The following EPCIP variants were observed in gnomAD, a reference collection of about 807,000 sequenced individuals.
EPCIP encodes exosomal polycystin-1-interacting protein.
the EPCIP span, chr21:32,807,758 G>A: frequency 5.9e-5 from 9 of 152,262 alleles, no homozygotes; most frequent in African/African-American, 2.2e-4. Context: ...CTGTGTATGG[G>A]TGACAGGGTG....
At chr21:32,810,801 C>G in the EPCIP span, 2 of 394,952 alleles carry the variant, frequency 5.1e-6, no homozygotes, top group Non-Finnish European at 5.1e-6. Flanking sequence ...ATGCCAAATA[C>G]ACAGCTCCTG....
chr21:32,793,885 T>C, the EPCIP span: 10 of 1,614,218 alleles, frequency 6.2e-6, no homozygotes, highest in Admixed American at 1.7e-4. Flanking sequence ...ATTTTAAGGC[T>C]GAGTCCCTGT....
the EPCIP span, among the ~76,000 whole-genome samples, chr21:32,803,198 C>G: frequency 6.6e-6 from 1 of 152,224 alleles, no homozygotes; most frequent in African/African-American, 2.4e-5. Flanking sequence ...GTGCTGAAAA[C>G]CCGCTCACAG....
chr21:32,795,509 C>A, the EPCIP span, among the ~76,000 whole-genome samples: 1 of 152,160 alleles, frequency 6.6e-6, no homozygotes, highest in Non-Finnish European at 1.5e-5. Flanking sequence ...AGAAACCAAA[C>A]AATACAATTC....
the EPCIP span, among the ~76,000 whole-genome samples, chr21:32,809,323 T>TCTTTC: frequency 6.8e-6 from 1 of 146,520 alleles, no homozygotes; most frequent in African/African-American, 2.6e-5. Flanking sequence ...TTTCTTTCTT[T>TCTTTC]CTTTCTTTCT....
At chr21:32,809,173 C>T in the EPCIP span, among the ~76,000 whole-genome samples, 7 of 100,454 alleles carry the variant, frequency 7.0e-5, no homozygotes, top group African/African-American at 2.4e-4. Flanking sequence ...GGACAAGCCT[C>T]GAGGGGTGCG....
At chr21:32,807,863 T>C in the EPCIP span, 1 of 152,306 alleles carries the variant, frequency 6.6e-6, no homozygotes, top group African/African-American at 2.4e-5. Context: ...ACCTCCAACC[T>C]CCTGTGACTT....
At chr21:32,795,667 G>A in the EPCIP span, among the ~76,000 whole-genome samples, 1 of 152,224 alleles carries the variant, frequency 6.6e-6, no homozygotes, top group Non-Finnish European at 1.5e-5. Flanking sequence ...AGCTCAACAT[G>A]TGTCCAAAGA....
the EPCIP span, among the ~76,000 whole-genome samples, chr21:32,806,219 A>G: frequency 1.3e-5 from 2 of 152,248 alleles, no homozygotes; most frequent in South Asian, 2.1e-4. Flanking sequence ...CATTTTCTCC[A>G]CTTCTGTACT....
the EPCIP span, among the ~76,000 whole-genome samples, chr21:32,799,615 G>A: frequency 6.6e-5 from 10 of 152,076 alleles, no homozygotes; most frequent in Non-Finnish European, 1.3e-4. Context: ...TTCTTCTCTT[G>A]AGTCTTTCCC....
At chr21:32,791,382 C>A in the EPCIP span, 2 of 152,142 alleles carry the variant, frequency 1.3e-5, no homozygotes, top group Non-Finnish European at 2.9e-5. Context: ...TTTCTATCAT[C>A]ATTTAATTTT....
chr21:32,800,587 G>A, the EPCIP span, among the ~76,000 whole-genome samples: 108,981 of 152,134 alleles, frequency 0.72, 39,884 homozygotes, highest in East Asian at 0.91. Context: ...GGAGGCCAAG[G>A]CAGGTAGATC....
the EPCIP span, chr21:32,798,230 G>A: frequency 6.6e-6 from 1 of 152,252 alleles, no homozygotes; most frequent in Non-Finnish European, 1.5e-5. Flanking sequence ...CTACTCGGGA[G>A]GCTGAAGCAG....
chr21:32,797,365 C>T, the EPCIP span: 1 of 205,810 alleles, frequency 4.9e-6, no homozygotes, highest in Non-Finnish European at 1.0e-5. Context: ...TGTCTTGTCT[C>T]AGCCTCCTGA....
the EPCIP span, among the ~76,000 whole-genome samples, chr21:32,792,284 TATCAGCACACATAAA>T: frequency 6.6e-6 from 1 of 152,242 alleles, no homozygotes; most frequent in Non-Finnish European, 1.5e-5. Context: ...TGGTTCCTTT[TATCAGCACACATAAA>T]ATCATTTTGT....
the EPCIP span, among the ~76,000 whole-genome samples, chr21:32,800,714 G>A: frequency 6.6e-6 from 1 of 152,064 alleles, no homozygotes. Context: ...TACTCAGGAG[G>A]CTGAGGCAGG....
chr21:32,805,559 A>T, the EPCIP span, among the ~76,000 whole-genome samples: 1 of 152,042 alleles, frequency 6.6e-6, no homozygotes, highest in Non-Finnish European at 1.5e-5. Context: ...ATGGGGTTTC[A>T]CCATGTTGGC....
chr21:32,807,126 A>C, the EPCIP span, among the ~76,000 whole-genome samples: 1 of 152,172 alleles, frequency 6.6e-6, no homozygotes, highest in African/African-American at 2.4e-5. Flanking sequence ...TGAGAGTTAC[A>C]ATTCAAGGTG....
the EPCIP span, among the ~76,000 whole-genome samples, chr21:32,801,125 G>T: frequency 2.0e-5 from 3 of 152,116 alleles, no homozygotes; most frequent in Middle Eastern, 3.2e-3. Flanking sequence ...CAGAACTGTA[G>T]ACAAAAGGCT....
Sources: allele counts gnomAD v4.1 joint callset (sites outside exome capture counted in the v4.1 genomes callset), GRCh38; gene constraint gnomAD v4.1.1; transcripts MANE v1.5; gene names NCBI Gene and HGNC (gene_info 2026-07-23, HGNC 2026-07-21).